Variants in PLS3 observed in about 807,000 individuals in gnomAD.
The protein encoded by PLS3 is plastin 3.
A neutral mutation model predicts 46.5 loss-of-function variants in PLS3; 11 were observed. The ratio of observed to expected loss-of-function variants is 0.24; its 90% CI spans 0.15 to 0.39. PLS3 has a LOEUF of 0.39. Ranked by LOEUF, PLS3 falls within the 10% of genes least tolerant of loss-of-function variation. PLS3 has a pLI of 1.00. For missense variants in PLS3, 308 were observed against 461.8 expected, an observed-to-expected ratio of 0.67 and a Z score of 3.05; for synonymous variants, 167 against 162.2, an observed-to-expected ratio of 1.03 and a Z score of -0.22.
chrX:115,608,343 A>T (rs1319837498), intron 1 of PLS3, among the ~76,000 whole-genome samples: 1 of 112,313 alleles, frequency 8.9e-6, no homozygotes, highest in African/African-American at 3.2e-5. Context: ...TATTTTGTAT[A>T]GTTTGTGAAA....
intron 15 of PLS3, 145 bp from the exon 16 acceptor site, chrX:115,649,279 GAAAAC>G: frequency 2.6e-6 from 1 of 391,752 alleles, no homozygotes; most frequent in Non-Finnish European, 4.1e-6. Context: ...CAAATCAAAA[GAAAAC>G]AAAAAGCAAA....
At chrX:115,645,840 G>T (rs1432983154) in intron 11 of PLS3, among the ~76,000 whole-genome samples, 1 of 111,676 alleles carries the variant, frequency 9.0e-6, no homozygotes, top group Non-Finnish European at 1.9e-5. Flanking sequence ...TTTTTGTCCT[G>T]TGGGCCCAGC....
intron 1 of PLS3, among the ~76,000 whole-genome samples, chrX:115,590,931 G>T (rs781818128): frequency 9.0e-6 from 1 of 111,332 alleles, no homozygotes; most frequent in East Asian, 2.8e-4. Flanking sequence ...AAGGTCAGGA[G>T]ATCGAGACCA....
intron 1 of PLS3, among the ~76,000 whole-genome samples, chrX:115,608,625 A>G (rs920543910): frequency 2.7e-5 from 3 of 111,948 alleles, no homozygotes; most frequent in Non-Finnish European, 3.8e-5. Flanking sequence ...TTATAATACT[A>G]TATTCTTACT....
At chrX:115,635,103 C>A in intron 7 of PLS3, 57 bp downstream of exon 7, 1 of 1,025,914 alleles carries the variant, frequency 9.7e-7, no homozygotes, top group Non-Finnish European at 1.4e-6. Context: ...TCTAGTCATG[C>A]AGACTTTCGT....
At chrX:115,620,202 T>C (rs781843084) in intron 2 of PLS3, among the ~76,000 whole-genome samples, 1 of 110,781 alleles carries the variant, frequency 9.0e-6, no homozygotes, top group African/African-American at 3.3e-5. Context: ...TAAGATCAGC[T>C]AGCTCCCCGA....
At chrX:115,605,046 T>C (rs2074477685) in intron 1 of PLS3, among the ~76,000 whole-genome samples, 1 of 111,492 alleles carries the variant, frequency 9.0e-6, no homozygotes, top group African/African-American at 3.2e-5. Flanking sequence ...GCTTTTTAAA[T>C]TTGGCTTTAT....
At chrX:115,647,433 CA>C in intron 13 of PLS3, 116 bp from the exon 14 acceptor site, 27 of 758,746 alleles carry the variant, frequency 3.6e-5, no homozygotes, top group East Asian at 6.9e-5. Context: ...GACTCCGTCT[CA>C]AAAAAAAGAA....
intron 1 of PLS3, among the ~76,000 whole-genome samples, chrX:115,600,636 A>G (rs1166199752): frequency 1.8e-5 from 2 of 112,673 alleles, no homozygotes; most frequent in Admixed American, 9.4e-5. Flanking sequence ...TTAAGAATCT[A>G]TGTAAAGAAG....
intron 2 of PLS3, among the ~76,000 whole-genome samples, chrX:115,619,498 T>A (rs1278747192): frequency 1.8e-5 from 2 of 112,541 alleles, no homozygotes; most frequent in Admixed American, 1.9e-4. Flanking sequence ...ATTACTTTGT[T>A]CTTTTTAGCA....
At chrX:115,641,726 T>G (rs1362317392) in intron 9 of PLS3, among the ~76,000 whole-genome samples, 2 of 111,076 alleles carry the variant, frequency 1.8e-5, no homozygotes, top group Non-Finnish European at 3.8e-5. Flanking sequence ...ATGGCATCAG[T>G]ATGCTAACCG....
chrX:115,610,201 C>A, intron 1 of PLS3, 42 bp from the exon 2 acceptor site: 1 of 693,425 alleles, frequency 1.4e-6, no homozygotes, highest in Non-Finnish European at 2.2e-6. Context: ...TTATATTTAT[C>A]ACAATTTTTT....
At chrX:115,641,759 G>T (rs957698983) in intron 9 of PLS3, among the ~76,000 whole-genome samples, 1 of 110,644 alleles carries the variant, frequency 9.0e-6, no homozygotes, top group Admixed American at 9.7e-5. Flanking sequence ...CCCTTCTCTA[G>T]TCAATCCTTT....
At chrX:115,562,247 T>TCTC (rs2074142983) in intron 1 of PLS3, among the ~76,000 whole-genome samples, 1 of 111,935 alleles carries the variant, frequency 8.9e-6, no homozygotes, top group Non-Finnish European at 1.9e-5. Context: ...CGCCCTGGCT[T>TCTC]CTCGCCAGTC....
At chrX:115,584,535 TAAGTA>T (rs367701315) in intron 1 of PLS3, among the ~76,000 whole-genome samples, 4 of 112,029 alleles carry the variant, frequency 3.6e-5, no homozygotes, top group Admixed American at 1.9e-4. Flanking sequence ...TAGAAGCTGA[TAAGTA>T]AAGTAAATAT....
chrX:115,630,705 AT>A (rs1569528486), intron 5 of PLS3, among the ~76,000 whole-genome samples: 5 of 83,105 alleles, frequency 6.0e-5, no homozygotes, highest in African/African-American at 3.0e-4. Context: ...ATATATATGT[AT>A]ATATATACAT....
At chrX:115,620,706 C>CTTTTTTTTTTTTTTTTTT (rs1176959674) in intron 2 of PLS3, among the ~76,000 whole-genome samples, 9 of 54,719 alleles carry the variant, frequency 1.6e-4, no homozygotes, top group East Asian at 5.8e-4. Context: ...TTTTTCTTTT[C>CTTTTTTTTTTTTTTTTTT]TTTTTTTTTT....
At chrX:115,562,262 A>C (rs1250846314) in intron 1 of PLS3, 2 of 111,996 alleles carry the variant, frequency 1.8e-5, no homozygotes, top group African/African-American at 6.5e-5. Flanking sequence ...CCAGTCCCAA[A>C]GTTGCTGCCG....
At chrX:115,582,855 G>A (rs1232352901) in intron 1 of PLS3, among the ~76,000 whole-genome samples, 1 of 112,092 alleles carries the variant, frequency 8.9e-6, no homozygotes, top group African/African-American at 3.2e-5. Context: ...CCTGGGCAAC[G>A]TGGCGAAAGC....
Sources: allele counts gnomAD v4.1 joint callset (sites outside exome capture counted in the v4.1 genomes callset), GRCh38; gene constraint gnomAD v4.1.1; transcripts MANE v1.5; gene names NCBI Gene and HGNC (gene_info 2026-07-23, HGNC 2026-07-21).